Variants in JCAD observed in about 807,000 individuals in gnomAD.
JCAD encodes the protein junctional cadherin 5-associated protein.
Under a neutral mutation model 98.0 loss-of-function variants are expected in JCAD, and 40 were observed. The ratio of observed to expected loss-of-function variants is 0.41; its 90% confidence interval spans 0.32 to 0.53. JCAD has a LOEUF of 0.53. JCAD is among the 20% of genes least tolerant of loss of function. The probability of loss-of-function intolerance (pLI) is 0.31; values close to 1 mark genes in which losing one functional copy is unlikely to be tolerated. For synonymous variants in JCAD, 691 were observed against 682.3 expected, an observed-to-expected ratio of 1.01 and a Z score of -0.20; for missense variants, 1,705 against 1,738.1, an observed-to-expected ratio of 0.98 and a Z score of 0.34.
At position 30,045,116 on chromosome 10, in the gene JCAD, T is replaced by C. The variant is rs139088545; in HGVS notation, c.281+2416A>G. On this transcript the variant is annotated intron_variant, in intron 2 of 3. Transcript: ENST00000375377. ...CACTCAGGATGGAAACAAAGGCAGCTTGCAGATCTGATTATGCCGTAGTCC... is the reference window on the plus strand; with the variant it reads ...CACTCAGGATGGAAACAAAGGCAGCCTGCAGATCTGATTATGCCGTAGTCC... Among the ~76,000 whole-genome samples the C allele has an allele frequency of 8.8e-3, 1,343 of 152,270 alleles. 16 individuals carry two copies. Among genetic ancestry groups the C allele is most frequent in the African/African-American group, 0.03 (1,258 of 41,548 alleles).
intron 1 of JCAD, among the ~76,000 whole-genome samples, chr10:30,073,673 C>G (rs867687421): frequency 5.7e-5 from 4 of 69,994 alleles, no homozygotes; most frequent in Non-Finnish European, 1.3e-4. Flanking sequence ...TTCCTTCCTT[C>G]CTTCCTTGCT....
chr10:30,057,728 C>G (rs1837605155), intron 1 of JCAD, among the ~76,000 whole-genome samples: 1 of 152,206 alleles, frequency 6.6e-6, no homozygotes, highest in African/African-American at 2.4e-5. Flanking sequence ...TCGCCCACTC[C>G]AGGCGGAGTA....
intron 1 of JCAD, among the ~76,000 whole-genome samples, chr10:30,077,488 T>G (rs762064572): frequency 4.6e-5 from 7 of 152,176 alleles, no homozygotes; most frequent in Non-Finnish European, 8.8e-5. Context: ...TTCAGTGGCA[T>G]TAAGTACATT....
chr10:30,040,877 C>T (rs896099193), intron 2 of JCAD, among the ~76,000 whole-genome samples: 6 of 152,252 alleles, frequency 3.9e-5, no homozygotes, highest in Admixed American at 2.0e-4. Context: ...ACATTCCTAC[C>T]CTTGGTGTCT....
In JCAD at chr10:30,026,322, A is replaced by C; in HGVS notation, c.3826T>G (p.Phe1276Val). ...SSVSRMRVLS[F>V]RNADSQEDAE... ...TCCTCCTGGGAGTCGGCATTCCTGA[A>C]GCTCAGGACTCTCATCCGTGACACT... Residue 1276 changes from phenylalanine (F) to valine (V), a missense_variant, in exon 3 of 4, where the codon TTC becomes GTC. Physicochemically the swap from Phe to Val is conservative, Grantham distance 50. Coordinates refer to ENST00000375377, the MANE Select transcript of JCAD (RefSeq NM_020848.4). The C allele has an allele frequency of 6.2e-7, 1 of 1,614,052 alleles. No individual in the cohort carries two copies. The highest frequency in any genetic ancestry group is 1.6e-4 in the Middle Eastern group (1 of 6,062).
intron 1 of JCAD, among the ~76,000 whole-genome samples, chr10:30,078,443 C>A (rs534379756): frequency 6.6e-6 from 1 of 152,140 alleles, no homozygotes; most frequent in South Asian, 2.1e-4. Flanking sequence ...ACAACAGCAT[C>A]AGAGAACTGC....
At chr10:30,037,463 TG>T (rs1348860353) in intron 2 of JCAD, among the ~76,000 whole-genome samples, 1 of 152,138 alleles carries the variant, frequency 6.6e-6, no homozygotes, top group Non-Finnish European at 1.5e-5. Context: ...GAACAAGAAT[TG>T]TAGGTTGCGC....
chr10:30,027,676 G>A lies in JCAD; in HGVS notation c.2472C>T (p.Val824=). Residue 824 remains valine, a synonymous_variant, in exon 3 of 4, where the codon GTC becomes GTT. Coordinates refer to ENST00000375377, the MANE Select transcript of JCAD (RefSeq NM_020848.4). ...TGATCAAATCCCAGGGACGACGGCT[G>A]ACCGGTTTCAGGAGAAACTGCCCAA... is the stretch of plus-strand genomic sequence containing the variant. ...QLFGQFLLKP[V]SRRPWDLISQ... The A allele has an allele frequency of 6.2e-7, 1 of 1,614,252 alleles. No individual in the cohort carries two copies. The highest frequency in any genetic ancestry group is 8.5e-7 in the Non-Finnish European group (1 of 1,180,046).
At position 30,065,609 on chromosome 10, in the gene JCAD, T is replaced by C. The variant is rs1209176808; in HGVS notation, n.250+4091A>G. On this transcript the variant is annotated intron_variant and non_coding_transcript_variant, in intron 2 of 2. Coordinates refer to the JCAD transcript ENST00000465712. Reference sequence around the variant, plus strand: ...CTTGACCTCCTGGGCTCAAGCCATCTTCCTCCCTCAGCCTCCTAAGTAACT... The same window carrying C: ...CTTGACCTCCTGGGCTCAAGCCATCCTCCTCCCTCAGCCTCCTAAGTAACT... 3.3e-5 allele frequency among the ~76,000 whole-genome samples: 5 copies of C among 152,094 alleles called. No individual in the cohort carries two copies. In the East Asian group the frequency reaches 9.6e-4, roughly 29 times the overall value.
intron 2 of JCAD, among the ~76,000 whole-genome samples, chr10:30,039,012 C>A (rs1051449169): frequency 6.6e-6 from 1 of 152,168 alleles, no homozygotes; most frequent in Non-Finnish European, 1.5e-5. Context: ...CCCTAACCCC[C>A]GACTCACGCC....
At chr10:30,051,693 G>A (rs758833300) in intron 1 of JCAD, among the ~76,000 whole-genome samples, 5 of 152,170 alleles carry the variant, frequency 3.3e-5, no homozygotes, top group Non-Finnish European at 5.9e-5. Flanking sequence ...TGGCAGAAAA[G>A]CAGGGGACTA....
At chr10:30,089,957 ATG>A (rs1199239521) in intron 1 of JCAD, among the ~76,000 whole-genome samples, 1 of 152,176 alleles carries the variant, frequency 6.6e-6, no homozygotes, top group Non-Finnish European at 1.5e-5. Context: ...GTCAAAAAGA[ATG>A]TGTGTGTCCA....
intron 1 of JCAD, among the ~76,000 whole-genome samples, chr10:30,070,614 A>T (rs1039457092): frequency 6.6e-6 from 1 of 152,182 alleles, no homozygotes; most frequent in African/African-American, 2.4e-5. Context: ...AAACCACCAA[A>T]TACCTGGAGG....
In JCAD at chr10:30,017,770, A is replaced by G. The variant is rs948474808; in HGVS notation, c.*113T>C. ...GGTAAAGAATGTTATCAGGATGCTA[A>G]AAACTCAGCAGCTTCCAGCTTCTAC... is the stretch of plus-strand genomic sequence containing the variant. On this transcript the variant is annotated 3_prime_UTR_variant, in exon 4 of 4. Transcript: ENST00000375377. 14 of 968,712 alleles carry G rather than the reference A, an allele frequency of 1.4e-5. No homozygotes were observed. The highest frequency in any genetic ancestry group is 2.0e-4 in the Middle Eastern group (1 of 4,906). The allele number at this position is 968,712 out of a possible 1,614,324, so 60.0% of individuals were successfully genotyped here. A position where few individuals can be genotyped will look rare whatever the true frequency, so the allele number is the denominator to read the frequency against.
At chr10:30,070,671 CT>C (rs1837868907) in intron 1 of JCAD, among the ~76,000 whole-genome samples, 1 of 152,276 alleles carries the variant, frequency 6.6e-6, no homozygotes, top group African/African-American at 2.4e-5. Context: ...TCCACCCCAA[CT>C]TTTTTCCCTC....
intron 1 of JCAD, among the ~76,000 whole-genome samples, chr10:30,081,071 A>T (rs1838075654): frequency 6.6e-6 from 1 of 152,272 alleles, no homozygotes; most frequent in Middle Eastern, 3.4e-3. Context: ...TCTGCCCCAA[A>T]TCTCCTTACT....
intron 1 of JCAD, among the ~76,000 whole-genome samples, chr10:30,070,345 C>T (rs1837862418): frequency 1.3e-5 from 2 of 152,118 alleles, no homozygotes; most frequent in African/African-American, 4.8e-5. Context: ...GTGCATTTTT[C>T]CCAGTCAGCG....
intron 1 of JCAD, among the ~76,000 whole-genome samples, chr10:30,098,529 C>T (rs1465269421): frequency 6.6e-6 from 1 of 152,190 alleles, no homozygotes; most frequent in Non-Finnish European, 1.5e-5. Flanking sequence ...TCTGTAAACT[C>T]CAAGAAAGCT....
chr10:30,107,568 G>A (rs1027149153), intron 1 of JCAD, among the ~76,000 whole-genome samples: 1 of 152,164 alleles, frequency 6.6e-6, no homozygotes, highest in African/African-American at 2.4e-5. Context: ...AAGAGGTAAC[G>A]ATAAGTACAA....
Sources: allele counts gnomAD v4.1 joint callset (sites outside exome capture counted in the v4.1 genomes callset), GRCh38; gene constraint gnomAD v4.1.1; transcripts MANE v1.5; gene names NCBI Gene and HGNC (gene_info 2026-07-23, HGNC 2026-07-21).